NEIL3: variants seen among roughly 807,000 people sequenced by gnomAD.
The protein encoded by NEIL3 is nei like DNA glycosylase 3.
Under a neutral mutation model 57.5 loss-of-function variants are expected in NEIL3, and 48 were observed. The observed-to-expected ratio is 0.83, with a 90% CI of 0.66 to 1.06. The LOEUF (loss-of-function observed/expected upper bound fraction) is 1.06. Among genes scored for constraint, NEIL3 ranks in the 50% least tolerant of loss-of-function variants. NEIL3 has a pLI of 0.00. For missense variants in NEIL3, 717 were observed against 739.1 expected, an observed-to-expected ratio of 0.97 and a Z score of 0.35; for synonymous variants, 261 against 253.2, an observed-to-expected ratio of 1.03 and a Z score of -0.29.
intron 2 of NEIL3, among the ~76,000 whole-genome samples, chr4:177,323,076 G>A (rs780031132): frequency 6.6e-6 from 1 of 152,216 alleles, no homozygotes; most frequent in Non-Finnish European, 1.5e-5. Context: ...TTGTTTCACA[G>A]TTCCCATGGA....
chr4:177,320,310 C>T (rs74403980), intron 1 of NEIL3, among the ~76,000 whole-genome samples: 6,321 of 152,004 alleles, frequency 0.042, 257 homozygotes, highest in East Asian at 0.25. Context: ...AGTACTCAAG[C>T]CTGCCTTCCC....
the NEIL3 span, among the ~76,000 whole-genome samples, chr4:177,369,457 G>C: frequency 6.6e-6 from 1 of 152,256 alleles, no homozygotes; most frequent in African/African-American, 2.4e-5. Context: ...CCTGGGATGG[G>C]CCAGTTCTGA....
At chr4:177,328,245 AATCT>A (rs1734819280) in intron 2 of NEIL3, among the ~76,000 whole-genome samples, 1 of 152,226 alleles carries the variant, frequency 6.6e-6, no homozygotes, top group Non-Finnish European at 1.5e-5. Flanking sequence ...AAGGTGACAT[AATCT>A]AACATTCTTG....
chr4:177,347,728 G>T (rs1388738888), intron 6 of NEIL3, among the ~76,000 whole-genome samples: 1 of 152,018 alleles, frequency 6.6e-6, no homozygotes, highest in Non-Finnish European at 1.5e-5. Flanking sequence ...TAGGGTTAAG[G>T]CCAGAAATTT....
At chr4:177,328,136 T>C (rs1734817677) in intron 2 of NEIL3, among the ~76,000 whole-genome samples, 1 of 152,180 alleles carries the variant, frequency 6.6e-6, no homozygotes, top group African/African-American at 2.4e-5. Context: ...GTCTGATGTA[T>C]TTGGAGTTCC....
chr4:177,328,466 T>C (rs2110898106), intron 2 of NEIL3, among the ~76,000 whole-genome samples: 1 of 152,120 alleles, frequency 6.6e-6, no homozygotes, highest in South Asian at 2.1e-4. Context: ...ACATTGCATA[T>C]TAATACAAAG....
At chr4:177,343,322 C>G (rs1003375111) in intron 6 of NEIL3, 1 of 152,160 alleles carries the variant, frequency 6.6e-6, no homozygotes, top group African/African-American at 2.4e-5. Flanking sequence ...TGAAGCATTC[C>G]AACTTCTCAG....
intron 1 of NEIL3, among the ~76,000 whole-genome samples, chr4:177,312,987 T>G (rs921429447): frequency 2.0e-5 from 3 of 152,234 alleles, no homozygotes; most frequent in African/African-American, 7.2e-5. Flanking sequence ...AGATCATTAC[T>G]GTAGCAGATG....
intron 8 of NEIL3, among the ~76,000 whole-genome samples, chr4:177,354,961 C>T (rs955109723): frequency 9.2e-5 from 14 of 152,250 alleles, no homozygotes; most frequent in African/African-American, 2.9e-4. Context: ...TAATACATAA[C>T]GTCATCCTCT....
At position 177,342,401 on chromosome 4, in the gene NEIL3, A is replaced by G. The variant is rs1735113241; in HGVS notation, c.869+759A>G. On this transcript the variant is annotated intron_variant, in intron 6 of 9. Transcript: ENST00000264596. ...CAGCTGCATAGCAGTATATGTGATTATAAGATTATGTAGTATAAAGCAGCT... is the reference window on the plus strand; with the variant it reads ...CAGCTGCATAGCAGTATATGTGATTGTAAGATTATGTAGTATAAAGCAGCT... Among the ~76,000 whole-genome samples, 3 of 152,198 alleles carry G rather than the reference A, an allele frequency of 2.0e-5. No individual in the cohort carries two copies. The South Asian group carries it at 6.2e-4, about 31-fold the overall frequency.
chr4:177,330,379 T>A (rs1038745126), intron 2 of NEIL3, among the ~76,000 whole-genome samples: 7 of 152,196 alleles, frequency 4.6e-5, no homozygotes, highest in Admixed American at 4.6e-4. Flanking sequence ...GCATTAAATG[T>A]TTTTTATAAA....
chr4:177,370,960 G>C, the NEIL3 span, among the ~76,000 whole-genome samples: 1 of 152,056 alleles, frequency 6.6e-6, no homozygotes, highest in African/African-American at 2.4e-5. Flanking sequence ...TCCTCTGACT[G>C]CGAATAGAAA....
chr4:177,344,725 C>G (rs1735177233), intron 6 of NEIL3, among the ~76,000 whole-genome samples: 1 of 151,974 alleles, frequency 6.6e-6, no homozygotes, highest in Non-Finnish European at 1.5e-5. Context: ...CCACGCCCAG[C>G]TAATTTTTGT....
intron 8 of NEIL3, among the ~76,000 whole-genome samples, chr4:177,358,141 G>A (rs1265685732): frequency 2.0e-5 from 3 of 152,182 alleles, no homozygotes; most frequent in Admixed American, 6.5e-5. Flanking sequence ...GAATCACCTG[G>A]GAATCCTGCT....
intron 2 of NEIL3, among the ~76,000 whole-genome samples, chr4:177,326,060 T>A (rs566788076): frequency 6.6e-6 from 1 of 152,252 alleles, no homozygotes; most frequent in East Asian, 1.9e-4. Flanking sequence ...AAACCTAATT[T>A]ATCAAATTTT....
intron 6 of NEIL3, among the ~76,000 whole-genome samples, chr4:177,350,123 C>G (rs1331445394): frequency 3.3e-5 from 5 of 152,188 alleles, no homozygotes; most frequent in Admixed American, 2.6e-4. Flanking sequence ...TTACCAGACA[C>G]TCCTGAATTT....
downstream of NEIL3, among the ~76,000 whole-genome samples, chr4:177,367,059 G>A (rs1735701904): frequency 1.3e-5 from 2 of 152,176 alleles, no homozygotes; most frequent in Non-Finnish European, 2.9e-5. Context: ...TTGGTTTTGG[G>A]AGCATGTATA....
intron 7 of NEIL3, among the ~76,000 whole-genome samples, chr4:177,352,838 A>T (rs983613824): frequency 1.5e-5 from 2 of 137,398 alleles, no homozygotes; most frequent in African/African-American, 4.9e-5. Context: ...TCAAAAAAAA[A>T]AAAAGAAGAT....
At chr4:177,369,116 T>C in the NEIL3 span, among the ~76,000 whole-genome samples, 5 of 152,098 alleles carry the variant, frequency 3.3e-5, no homozygotes, top group African/African-American at 1.2e-4. Flanking sequence ...GATACATAAA[T>C]GAGGAAGAAA....
Sources: gnomAD v4.1 joint callset for allele counts (sites outside exome capture counted in the v4.1 genomes callset) on GRCh38, gnomAD v4.1.1 for gene constraint, MANE v1.5 for transcripts, NCBI Gene and HGNC (gene_info 2026-07-23, HGNC 2026-07-21) for gene names.